The following DENND4C variants were observed in gnomAD, a reference collection of about 807,000 sequenced individuals.
DENND4C encodes the protein DENN domain-containing protein 4C.
Under a neutral mutation model 203.0 loss-of-function variants are expected in DENND4C, and 108 were observed. The ratio of observed to expected loss-of-function variants is 0.53; its 90% CI spans 0.46 to 0.62. DENND4C has a LOEUF of 0.62. DENND4C is among the 20% of genes least tolerant of loss of function. The probability of loss-of-function intolerance (pLI) is 0.00; values close to 1 mark genes in which losing one functional copy is unlikely to be tolerated. For synonymous variants in DENND4C, 871 were observed against 792.4 expected (o/e 1.10, Z -1.67); for missense variants, 2,481 against 2,301.2 (o/e 1.08, Z -1.60).
At chr9:19,341,368 G>A (rs933003192) in intron 21 of DENND4C, among the ~76,000 whole-genome samples, 1 of 146,494 alleles carries the variant, frequency 6.8e-6, no homozygotes, top group Non-Finnish European at 1.5e-5. Flanking sequence ...GCTGAGTGCA[G>A]TGGCGAGAAC....
In DENND4C at chr9:19,357,987, G is replaced by A; in HGVS notation, c.4987G>A (p.Gly1663Arg). ...AAGTGATGAAATAAAGAGAGCCAGT[G>A]GAGATGTCCAAACTATGAAAATTTC... Reference protein sequence around the residue: ...EPSDEIKRASGDVQTMKISSV... With the variant: ...EPSDEIKRASRDVQTMKISSV... Residue 1663 changes from glycine (G) to arginine (R), a missense_variant, in exon 28 of 33, where the codon GGA (glycine) becomes AGA (arginine). By Grantham distance (125) the Gly-to-Arg change is moderately radical. Coordinates refer to ENST00000434457, the MANE Select transcript of DENND4C (RefSeq NM_001330640.2). 1.2e-6 allele frequency: 2 copies of A among 1,611,314 alleles called. No individual in the cohort carries two copies. Among genetic ancestry groups the A allele is most frequent in the East Asian group, 2.2e-5 (1 of 44,804 alleles).
intron 16 of DENND4C, among the ~76,000 whole-genome samples, chr9:19,330,733 T>G (rs577098173): frequency 6.6e-6 from 1 of 152,132 alleles, no homozygotes; most frequent in Admixed American, 6.5e-5. Flanking sequence ...CTGTAGTTTC[T>G]GGGAATATAT....
At chr9:19,300,385 A>G (rs1286607515) in intron 9 of DENND4C, 54 bp downstream of exon 9, 2 of 1,394,442 alleles carry the variant, frequency 1.4e-6, no homozygotes, top group East Asian at 2.5e-5. Flanking sequence ...TTTTTACTCC[A>G]AAGGGAAATT....
At chr9:19,351,316 A>C (rs1265248641) in intron 24 of DENND4C, among the ~76,000 whole-genome samples, 3 of 152,198 alleles carry the variant, frequency 2.0e-5, no homozygotes. Flanking sequence ...CAAATGTCCA[A>C]GCCTAACGCT....
chr9:19,305,319 A>G, intron 9 of DENND4C, 33 bp from the exon 10 acceptor site: 1 of 1,565,148 alleles, frequency 6.4e-7, no homozygotes, highest in South Asian at 1.2e-5. Flanking sequence ...GCAAATTTAA[A>G]ATTTGGTTAA....
chr9:19,304,539 G>A (rs1839258785), intron 9 of DENND4C, among the ~76,000 whole-genome samples: 2 of 148,194 alleles, frequency 1.3e-5, no homozygotes, highest in South Asian at 2.1e-4. Flanking sequence ...GAAGAGTTAC[G>A]AATTTTTTTT....
At chr9:19,347,175 C>A in intron 23 of DENND4C, 89 bp downstream of exon 23, 2 of 1,315,732 alleles carry the variant, frequency 1.5e-6, no homozygotes, top group South Asian at 1.5e-5. Flanking sequence ...TCAGAGATTT[C>A]TGTGCCCAGG....
chr9:19,319,327 CAT>C (rs779555878), intron 12 of DENND4C, among the ~76,000 whole-genome samples: 41,057 of 96,856 alleles, frequency 0.42, 6,762 homozygotes, highest in East Asian at 0.64. Flanking sequence ...CATATATATA[CAT>C]ATATATACAC....
chr9:19,346,649 C>T lies in DENND4C; in HGVS notation c.3880C>T (p.Pro1294Ser), dbSNP rs1822954833. Residue 1294 changes from proline to serine, a missense_variant, in exon 23 of 33, where the codon CCC becomes TCC. Physicochemically the swap from Pro to Ser is moderately conservative, Grantham distance 74. Around this residue, in one of 3 missense-constraint regions of DENND4C, gnomAD observed 2,289 missense variants for 2,113.3 expected, o/e 1.08. Transcript: ENST00000434457. The stretch of plus-strand genomic sequence containing the variant: ...AGAAAGCTATATGAACCTAAAAAGT[C>T]CCCTAGGTAGTAAATCTTCTAGTAT... ...EIESYMNLKS[P>S]LGSKSSSMEL... The T allele has an allele frequency of 6.2e-7, 1 of 1,613,962 alleles. No homozygotes were observed. The highest frequency in any genetic ancestry group is 8.5e-7 in the Non-Finnish European group (1 of 1,180,012).
chr9:19,329,462 G>A (rs144838086), intron 16 of DENND4C, among the ~76,000 whole-genome samples: 2 of 152,320 alleles, frequency 1.3e-5, no homozygotes, highest in Non-Finnish European at 2.9e-5. Context: ...TCATAGACAT[G>A]TGGATACTTC....
chr9:19,283,511 T>C (rs1431131967), intron 2 of DENND4C, among the ~76,000 whole-genome samples: 1 of 152,164 alleles, frequency 6.6e-6, no homozygotes, highest in Non-Finnish European at 1.5e-5. Context: ...GTATATGCAG[T>C]CTGTGCTTGC....
At chr9:19,335,319 G>A (rs1049433053) in intron 18 of DENND4C, among the ~76,000 whole-genome samples, 1 of 152,034 alleles carries the variant, frequency 6.6e-6, no homozygotes, top group Non-Finnish European at 1.5e-5. Context: ...GCTCAATCGA[G>A]CTATTAAATA....
intron 3 of DENND4C, among the ~76,000 whole-genome samples, chr9:19,287,246 T>A (rs1835374146): frequency 6.6e-6 from 1 of 152,236 alleles, no homozygotes; most frequent in South Asian, 2.1e-4. Context: ...TAAATCCTAA[T>A]ATTGTCTGTG....
At chr9:19,251,593 A>T (rs937824285) in intron 1 of DENND4C, among the ~76,000 whole-genome samples, 1 of 152,114 alleles carries the variant, frequency 6.6e-6, no homozygotes. Context: ...CTGAACTTTT[A>T]TGCTCTGCTT....
rs887780507 is a variant in DENND4C, at chr9:19,314,356, A to G, written c.1488-2061A>G. 2.6e-5 allele frequency among the ~76,000 whole-genome samples: 4 copies of G among 151,986 alleles called. No homozygotes were observed. The East Asian group carries it at 5.8e-4, about 22-fold the overall frequency. On this transcript the variant is annotated intron_variant, in intron 10 of 32. Transcript: ENST00000434457. ...GTAGTCCCAGCTACTCAGGAGCCTG[A>G]GGCAGGAGAATCGCTTGAACCTGGG... is the stretch of plus-strand genomic sequence containing the variant.
rs369358164 is a variant in DENND4C, at chr9:19,277,607, G to T, written c.305+1128G>T. ...TATAGGATCATGTCATCTGCAAATA[G>T]AAATAGTTTTACTCCTTCCTTTGCA... On this transcript the variant is annotated intron_variant, in intron 2 of 32. Coordinates refer to ENST00000434457, the MANE Select transcript of DENND4C (RefSeq NM_001330640.2). Among the ~76,000 whole-genome samples, 4 of 151,974 alleles carry T rather than the reference G, an allele frequency of 2.6e-5. No homozygotes were observed. The East Asian group carries it at 7.7e-4, about 29-fold the overall frequency.
At chr9:19,255,111 A>G (rs1258737858) in intron 1 of DENND4C, among the ~76,000 whole-genome samples, 2 of 151,794 alleles carry the variant, frequency 1.3e-5, no homozygotes, top group African/African-American at 4.8e-5. Context: ...GTGCCGTTGC[A>G]CTCCAGCCTG....
Position 19,361,936 on chromosome 9 carries a change from C to T in DENND4C, c.5497C>T (p.Pro1833Ser). 1 of 1,604,298 alleles carries T rather than the reference C, an allele frequency of 6.2e-7. No individual in the cohort carries two copies. Among genetic ancestry groups the T allele is most frequent in the Non-Finnish European group, 8.5e-7 (1 of 1,171,308 alleles). ...NINLHQEPRE[P>S]LYVSWRNFNS... is the part of the protein sequence containing the mutation. ...CAACCTTCATCAGGAACCAAGAGAA[C>T]CTCTGTATGTCTCATGGAGGAATTT... The change falls in exon 30 of 33, where the codon CCT (proline) becomes TCT (serine). Residue 1833 changes from proline (P) to serine (S), a missense_variant. Transcript: ENST00000434457.
rs528985350 is a variant in DENND4C, at chr9:19,273,195, C to T, written c.-17-2963C>T. On this transcript the variant is annotated intron_variant, in intron 1 of 32. Coordinates refer to ENST00000434457, the MANE Select transcript of DENND4C (RefSeq NM_001330640.2). Reference sequence around the variant, plus strand: ...CTCAATCTCCTGACCTCGTGATCCACCTGCCTCGGCCTCCCAAAGTGCTGG... The same window carrying T: ...CTCAATCTCCTGACCTCGTGATCCATCTGCCTCGGCCTCCCAAAGTGCTGG... Among the ~76,000 whole-genome samples the T allele has an allele frequency of 5.3e-5, 8 of 151,810 alleles. No homozygotes were observed. The East Asian group carries it at 5.8e-4, about 11-fold the overall frequency.
Sources: gnomAD v4.1 joint callset for allele counts (sites outside exome capture counted in the v4.1 genomes callset) on GRCh38, gnomAD v4.1.1 for gene constraint, gnomAD v4.1.1 regional missense constraint, MANE v1.5 for transcripts, NCBI Gene and HGNC (gene_info 2026-07-23, HGNC 2026-07-21) for gene names.